GABRG3: variants seen among roughly 807,000 people sequenced by gnomAD.
GABRG3 encodes gamma-aminobutyric acid type A receptor subunit gamma3.
Under a neutral mutation model 48.8 loss-of-function variants are expected in GABRG3, and 25 were observed. The ratio of observed to expected loss-of-function variants is 0.51; its 90% confidence interval spans 0.37 to 0.72. GABRG3 has a LOEUF of 0.72. Among genes scored for constraint, GABRG3 ranks in the 30% least tolerant of loss-of-function variants. The pLI, the probability that GABRG3 is intolerant of heterozygous loss-of-function variation, is 0.00. For missense variants in GABRG3, 394 were observed against 577.9 expected, an observed-to-expected ratio of 0.68 and a Z score of 3.26; for synonymous variants, 227 against 217.6, an observed-to-expected ratio of 1.04 and a Z score of -0.38.
Position 27,319,124 on chromosome 15 carries a change from A to C in GABRG3, c.271-7685A>C, listed in dbSNP as rs1893333629. 6.6e-6 allele frequency among the ~76,000 whole-genome samples: 1 copy of C among 152,202 alleles called. No individual in the cohort carries two copies. The highest frequency in any genetic ancestry group is 1.9e-4 in the East Asian group (1 of 5,194). On this transcript the variant is annotated intron_variant, in intron 3 of 9. Coordinates refer to ENST00000615808, the MANE Select transcript of GABRG3 (RefSeq NM_033223.5). The surrounding 1 kb of genome is among the most constrained non-coding windows in gnomAD (Gnocchi z 4.4). ...ATGTGTTAATTAGCTTGATTGTGGT[A>C]ACGATTTCACAATGTACACGTATGT...
At chr15:27,408,222 G>T (rs1887695751) in intron 5 of GABRG3, among the ~76,000 whole-genome samples, 1 of 152,166 alleles carries the variant, frequency 6.6e-6, no homozygotes, top group Admixed American at 6.5e-5. Flanking sequence ...TTAAATGCAG[G>T]TTCCAGGGAC....
Position 27,541,719 on chromosome 15 carries a change from G to C in GABRG3, c.*8838G>C, listed in dbSNP as rs927512883. On this transcript the variant is annotated 3_prime_UTR_variant, in exon 10 of 10. Transcript: ENST00000615808. ...GCGAGGGATTGGAGGCCCTGGCTCC[G>C]GGCGGTCCCGAGGTCCCGCCGCCCT... 3 of 152,252 alleles carry C rather than the reference G, an allele frequency of 2.0e-5. No individual in the cohort carries two copies. The highest frequency in any genetic ancestry group is 1.9e-4 in the East Asian group (1 of 5,154). The allele number at this position is 152,252 out of a possible 1,614,324, so 9.4% of individuals were successfully genotyped here.
At chr15:27,361,105 G>A (rs1022323331) in intron 5 of GABRG3, among the ~76,000 whole-genome samples, 2 of 152,220 alleles carry the variant, frequency 1.3e-5, no homozygotes, top group Admixed American at 1.3e-4. Flanking sequence ...AGTGCCTGCG[G>A]TCCATCATGG....
At chr15:27,482,517 T>C (rs1890124840) in intron 6 of GABRG3, among the ~76,000 whole-genome samples, 1 of 152,248 alleles carries the variant, frequency 6.6e-6, no homozygotes, top group African/African-American at 2.4e-5. Flanking sequence ...TGGGACTGTG[T>C]TGGCATTTTA....
intron 3 of GABRG3, among the ~76,000 whole-genome samples, chr15:27,042,612 G>A (rs1896296356): frequency 6.6e-6 from 1 of 152,218 alleles, no homozygotes; most frequent in Admixed American, 6.5e-5. Context: ...CACACTCGCT[G>A]GTGCAATTCT....
chr15:27,308,948 C>A (rs1010520635), intron 3 of GABRG3, among the ~76,000 whole-genome samples: 1 of 149,840 alleles, frequency 6.7e-6, no homozygotes, highest in East Asian at 2.0e-4. Context: ...ATAATGTAAA[C>A]ATGTTTATAT....
chr15:27,233,646 T>C (rs1362833891), intron 3 of GABRG3, among the ~76,000 whole-genome samples: 3 of 152,078 alleles, frequency 2.0e-5, no homozygotes, highest in African/African-American at 4.8e-5. Flanking sequence ...GCCATCACCT[T>C]GGGGAGTCGA....
At chr15:27,100,190 C>G (rs1208705457) in intron 3 of GABRG3, among the ~76,000 whole-genome samples, 3 of 147,896 alleles carry the variant, frequency 2.0e-5, no homozygotes, top group Non-Finnish European at 3.0e-5. Flanking sequence ...TGCACTCCAG[C>G]CTGGGTGACA....
intron 3 of GABRG3, among the ~76,000 whole-genome samples, chr15:27,283,129 A>G (rs1380985318): frequency 6.6e-6 from 1 of 152,144 alleles, no homozygotes. Flanking sequence ...TCCTCTTGGC[A>G]AGGTGGAGGG....
chr15:27,530,335 C>T (rs1891392757), intron 9 of GABRG3, among the ~76,000 whole-genome samples: 1 of 152,066 alleles, frequency 6.6e-6, no homozygotes, highest in Non-Finnish European at 1.5e-5. Context: ...CCCAGCTGGG[C>T]CAAAGAGGAC....
At chr15:27,110,354 A>G (rs1365043868) in intron 3 of GABRG3, among the ~76,000 whole-genome samples, 1 of 152,126 alleles carries the variant, frequency 6.6e-6, no homozygotes, top group African/African-American at 2.4e-5. Flanking sequence ...TTTAACTTAT[A>G]TATATACTAA....
intron 5 of GABRG3, among the ~76,000 whole-genome samples, chr15:27,421,870 G>A (rs2140611967): frequency 6.6e-6 from 1 of 151,322 alleles, no homozygotes. Context: ...ATCCATGGGA[G>A]TGGGCTGCAT....
chr15:27,339,005 C>T (rs1894074277), intron 5 of GABRG3, among the ~76,000 whole-genome samples: 1 of 152,198 alleles, frequency 6.6e-6, no homozygotes, highest in South Asian at 2.1e-4. Context: ...CGGCCCACTG[C>T]CAGGTGGGGC....
chr15:27,335,954 G>A (rs919938109), intron 5 of GABRG3, among the ~76,000 whole-genome samples: 2 of 152,118 alleles, frequency 1.3e-5, no homozygotes, highest in South Asian at 2.1e-4. Context: ...TTGGGAGGCC[G>A]AGGTGGGCAG....
At chr15:27,132,591 G>T (rs114952091) in intron 3 of GABRG3, among the ~76,000 whole-genome samples, 4,063 of 147,602 alleles carry the variant, frequency 0.028, 187 homozygotes, top group African/African-American at 0.096. Flanking sequence ...CTATTTATTG[G>T]TGTGCATTTT....
chr15:27,155,720 T>G (rs182576791), intron 3 of GABRG3, among the ~76,000 whole-genome samples: 1 of 152,142 alleles, frequency 6.6e-6, no homozygotes, highest in East Asian at 1.9e-4. Context: ...CTAGCTTCCC[T>G]CTAGGTCCCT....
At chr15:27,297,952 A>G (rs932024553) in intron 3 of GABRG3, among the ~76,000 whole-genome samples, 1 of 144,810 alleles carries the variant, frequency 6.9e-6, no homozygotes, top group Non-Finnish European at 1.5e-5. Flanking sequence ...GAAATCCCAA[A>G]ACAACTACTA....
chr15:27,429,445 A>G (rs1254271705), intron 5 of GABRG3, among the ~76,000 whole-genome samples: 1 of 152,200 alleles, frequency 6.6e-6, no homozygotes, highest in Admixed American at 6.5e-5. Flanking sequence ...TTCACATGCC[A>G]TAAATTTCAT....
At chr15:27,467,243 C>T (rs1566854226) in intron 5 of GABRG3, among the ~76,000 whole-genome samples, 1 of 152,182 alleles carries the variant, frequency 6.6e-6, no homozygotes, top group Non-Finnish European at 1.5e-5. Context: ...TATAATGGCA[C>T]TAATCCCATC....
Sources: allele counts gnomAD v4.1 joint callset (sites outside exome capture counted in the v4.1 genomes callset), GRCh38; gene constraint gnomAD v4.1.1; non-coding constraint Gnocchi (gnomAD v3.1); transcripts MANE v1.5; gene names NCBI Gene and HGNC (gene_info 2026-07-23, HGNC 2026-07-21).